Variants in RPH3A observed in about 807,000 individuals in gnomAD.
RPH3A encodes rabphilin 3A.
Under a neutral mutation model 102.2 loss-of-function variants are expected in RPH3A, and 48 were observed. The ratio of observed to expected loss-of-function variants is 0.47; its 90% CI spans 0.37 to 0.60. The LOEUF (loss-of-function observed/expected upper bound fraction) is 0.60, where lower values mean the gene tolerates loss of function less well. RPH3A is among the 20% of genes least tolerant of loss of function. The probability of loss-of-function intolerance (pLI) is 0.00; values close to 1 mark genes in which losing one functional copy is unlikely to be tolerated. For missense variants in RPH3A, 781 were observed against 910.1 expected (o/e 0.86, Z 1.83); for synonymous variants, 310 against 324.3 (o/e 0.96, Z 0.47).
At chr12:112,712,898 T>TTCC (rs1565856689) in intron 1 of RPH3A, among the ~76,000 whole-genome samples, 19 of 130,768 alleles carry the variant, frequency 1.5e-4, no homozygotes, top group African/African-American at 5.4e-4. Flanking sequence ...CTTCTTCTTC[T>TTCC]TCTTCCTCTT....
At chr12:112,812,482 T>C (rs995564347) in intron 2 of RPH3A, among the ~76,000 whole-genome samples, 1 of 152,032 alleles carries the variant, frequency 6.6e-6, no homozygotes, top group Non-Finnish European at 1.5e-5. Flanking sequence ...CAGATGAGAG[T>C]TGAGCTAGGA....
At chr12:112,700,793 T>A (rs1280627421) in intron 1 of RPH3A, among the ~76,000 whole-genome samples, 2 of 152,186 alleles carry the variant, frequency 1.3e-5, no homozygotes, top group African/African-American at 4.8e-5. Flanking sequence ...AAGTTGAGGT[T>A]CTCCAAAATA....
intron 2 of RPH3A, among the ~76,000 whole-genome samples, chr12:112,814,735 G>C (rs1281613807): frequency 1.3e-5 from 2 of 152,188 alleles, no homozygotes; most frequent in East Asian, 3.8e-4. Flanking sequence ...AATAACTTCA[G>C]AGCCCACCTC....
chr12:112,726,837 A>G (rs2040594125), intron 1 of RPH3A, among the ~76,000 whole-genome samples: 1 of 152,062 alleles, frequency 6.6e-6, no homozygotes, highest in Admixed American at 6.5e-5. Context: ...AGACTGGCCA[A>G]CATGGTGAAA....
At chr12:112,875,058 G>A in intron 10 of RPH3A, 26 bp from the exon 11 acceptor site, 1 of 1,571,146 alleles carries the variant, frequency 6.4e-7, no homozygotes, top group Non-Finnish European at 8.7e-7. Context: ...ACACATAATG[G>A]CTGTTTTCTT....
intron 1 of RPH3A, among the ~76,000 whole-genome samples, chr12:112,783,528 C>T (rs1293197951): frequency 6.6e-6 from 1 of 152,138 alleles, no homozygotes; most frequent in East Asian, 1.9e-4. Flanking sequence ...ATTTTGGTAT[C>T]TCCAGCATCT....
chr12:112,580,196 C>T (rs1052065298), intron 1 of RPH3A, among the ~76,000 whole-genome samples: 1 of 151,714 alleles, frequency 6.6e-6, no homozygotes, highest in African/African-American at 2.4e-5. Flanking sequence ...CATTTTGTCC[C>T]TGTTCTCCGC....
intron 2 of RPH3A, among the ~76,000 whole-genome samples, chr12:112,802,616 G>A (rs958954532): frequency 1.3e-5 from 2 of 152,092 alleles, no homozygotes; most frequent in African/African-American, 2.4e-5. Context: ...TGTGAGTGGT[G>A]TGTGTGGGAA....
chr12:112,853,067 C>T (rs555239099), intron 5 of RPH3A, among the ~76,000 whole-genome samples: 3 of 152,338 alleles, frequency 2.0e-5, no homozygotes, highest in Admixed American at 2.0e-4. Context: ...GGATCTGTCA[C>T]ACCCCTATCA....
chr12:112,852,351 T>C (rs539088984), intron 5 of RPH3A, among the ~76,000 whole-genome samples: 5 of 152,282 alleles, frequency 3.3e-5, no homozygotes, highest in Middle Eastern at 3.4e-3. Context: ...TATCTCCTTA[T>C]GTGATAAATG....
At chr12:112,789,841 G>A (rs150666421), upstream of RPH3A, among the ~76,000 whole-genome samples, 8 of 146,896 alleles carry the variant, frequency 5.4e-5, no homozygotes, top group East Asian at 2.0e-4. Context: ...CATTTGAGGC[G>A]AGGAGTTCAA....
intron 2 of RPH3A, among the ~76,000 whole-genome samples, chr12:112,823,494 C>G (rs772269664): frequency 6.6e-6 from 1 of 152,122 alleles, no homozygotes; most frequent in Non-Finnish European, 1.5e-5. Flanking sequence ...ATCCTATACC[C>G]GATAAGTATA....
At chr12:112,869,647 A>T in intron 8 of RPH3A, 112 bp from the exon 9 acceptor site, 1 of 1,039,704 alleles carries the variant, frequency 9.6e-7, no homozygotes, top group Non-Finnish European at 1.4e-6. Flanking sequence ...TTTAATTTTT[A>T]AAACATATTC....
chr12:112,672,404 G>C (rs1481147685), intron 1 of RPH3A, among the ~76,000 whole-genome samples: 1 of 152,150 alleles, frequency 6.6e-6, no homozygotes, highest in Non-Finnish European at 1.5e-5. Context: ...ACTGGTATTT[G>C]ACCAAACAAC....
chr12:112,757,020 G>T (rs2040827214), intron 1 of RPH3A, among the ~76,000 whole-genome samples: 1 of 152,182 alleles, frequency 6.6e-6, no homozygotes, highest in South Asian at 2.1e-4. Context: ...TACGAGCCAT[G>T]TGTGTTTTCT....
chr12:112,838,873 C>T (rs970397413), intron 4 of RPH3A, among the ~76,000 whole-genome samples: 2 of 152,064 alleles, frequency 1.3e-5, no homozygotes, highest in African/African-American at 4.8e-5. Flanking sequence ...GGCTAATTTC[C>T]TTTTGTCTCG....
chr12:112,649,747 G>A lies in RPH3A; in HGVS notation c.-140+74428G>A, dbSNP rs1049598826. ...CACAGGCTGGGTGGCTTAAACAATG[G>A]CAATTTATTTCTCACAGTTCTGGAG... On this transcript the variant is annotated intron_variant, in intron 1 of 21. Coordinates refer to the RPH3A transcript ENST00000543106. Among the ~76,000 whole-genome samples, 9 of 152,184 alleles carry A rather than the reference G, an allele frequency of 5.9e-5. 1 individual carries two copies. The highest frequency in any genetic ancestry group is 1.9e-4 in the African/African-American group (8 of 41,446).
chr12:112,727,956 A>G (rs1227710885), intron 1 of RPH3A, among the ~76,000 whole-genome samples: 1 of 152,186 alleles, frequency 6.6e-6, no homozygotes, highest in Non-Finnish European at 1.5e-5. Flanking sequence ...CCTCAGCCCA[A>G]TAGTCCAGTA....
chr12:112,764,244 C>T (rs2040873602), intron 1 of RPH3A, among the ~76,000 whole-genome samples: 1 of 152,106 alleles, frequency 6.6e-6, no homozygotes, highest in Non-Finnish European at 1.5e-5. Context: ...AGCTTATGTA[C>T]CAACTTGAGA....
Sources: allele counts gnomAD v4.1 joint callset (sites outside exome capture counted in the v4.1 genomes callset), GRCh38; gene constraint gnomAD v4.1.1; transcripts MANE v1.5; gene names NCBI Gene and HGNC (gene_info 2026-07-23, HGNC 2026-07-21).